The following PJA2 variants were observed in gnomAD, a reference collection of about 807,000 sequenced individuals.
PJA2 encodes E3 ubiquitin-protein ligase Praja-2.
Under a neutral mutation model 69.3 loss-of-function variants are expected in PJA2, and 25 were observed. The ratio of observed to expected loss-of-function variants is 0.36; its 90% confidence interval spans 0.26 to 0.50. The LOEUF (loss-of-function observed/expected upper bound fraction) is 0.50, where lower values mean the gene tolerates loss of function less well. Among genes scored for constraint, PJA2 ranks in the 20% least tolerant of loss-of-function variants. The probability of loss-of-function intolerance (pLI) is 0.96; values close to 1 mark genes in which losing one functional copy is unlikely to be tolerated. For missense variants in PJA2, 809 were observed against 830.2 expected, an observed-to-expected ratio of 0.97 and a Z score of 0.31; for synonymous variants, 308 against 277.8, an observed-to-expected ratio of 1.11 and a Z score of -1.08.
At chr5:109,342,030 G>C (rs1274808599) in intron 9 of PJA2, among the ~76,000 whole-genome samples, 4 of 127,906 alleles carry the variant, frequency 3.1e-5, no homozygotes, top group African/African-American at 1.1e-4. Flanking sequence ...CGGGCCAGCC[G>C]CCCCGTCCGG....
intron 1 of PJA2, among the ~76,000 whole-genome samples, chr5:109,391,591 C>T (rs1361372660): frequency 6.6e-6 from 1 of 151,342 alleles, no homozygotes; most frequent in African/African-American, 2.4e-5. Flanking sequence ...AATACATATA[C>T]TCAAACACCT....
chr5:109,398,582 G>T (rs115527192), intron 1 of PJA2, among the ~76,000 whole-genome samples: 4,521 of 147,564 alleles, frequency 0.031, 90 homozygotes, highest in Middle Eastern at 0.048. Context: ...AACTGAACAA[G>T]GAGAACCCTT....
chr5:109,363,398 T>C (rs1762531771), intron 5 of PJA2, among the ~76,000 whole-genome samples: 2 of 152,200 alleles, frequency 1.3e-5, no homozygotes, highest in South Asian at 4.1e-4. Flanking sequence ...AACCTGGCCT[T>C]CAAATCCCTA....
rs558373459 is a variant in PJA2 at position 109,381,418 on chromosome 5, T to A, written c.232+85A>T. ...TGTGCTGCATTTACACTCACAGACA[T>A]GCATAATACCCACCCAAAAATTTAA... is the stretch of plus-strand genomic sequence containing the variant. On this transcript the variant is annotated intron_variant, in intron 3 of 9. Coordinates refer to ENST00000361189, the MANE Select transcript of PJA2 (RefSeq NM_014819.5). 6.2e-4 allele frequency: 627 copies of A among 1,011,154 alleles called. 1 individual carries two copies. The highest frequency in any genetic ancestry group is 1.4e-3 in the Admixed American group (62 of 44,710). 62.6% of individuals were successfully genotyped at this position (1,011,154 alleles called of 1,614,324 possible).
chr5:109,350,443 A>C (rs1276671241), intron 7 of PJA2, among the ~76,000 whole-genome samples: 1 of 152,226 alleles, frequency 6.6e-6, no homozygotes, highest in African/African-American at 2.4e-5. Context: ...TTTTGTTCTA[A>C]AGAATAAAAT....
At chr5:109,384,703 C>T (rs989713908) in intron 1 of PJA2, among the ~76,000 whole-genome samples, 4 of 152,034 alleles carry the variant, frequency 2.6e-5, no homozygotes, top group Non-Finnish European at 5.9e-5. Context: ...AAGTTATGAT[C>T]CTTTAAAGTA....
chr5:109,345,253 G>A (rs186767267), intron 7 of PJA2, among the ~76,000 whole-genome samples: 1 of 151,670 alleles, frequency 6.6e-6, no homozygotes, highest in Non-Finnish European at 1.5e-5. Context: ...CTACTTGGGA[G>A]GCTGAGGCAG....
intron 4 of PJA2, among the ~76,000 whole-genome samples, chr5:109,374,617 A>T (rs1746802903): frequency 6.6e-6 from 1 of 152,248 alleles, no homozygotes; most frequent in Non-Finnish European, 1.5e-5. Flanking sequence ...AATATATCAT[A>T]TTGAAGTCAA....
chr5:109,380,574 G>A (rs563420038), intron 3 of PJA2, among the ~76,000 whole-genome samples: 74 of 151,156 alleles, frequency 4.9e-4, no homozygotes, highest in Non-Finnish European at 8.6e-4. Context: ...TTGGGAGGCT[G>A]AGTTGGACGG....
intron 2 of PJA2, among the ~76,000 whole-genome samples, chr5:109,382,094 T>G (rs563506783): frequency 5.5e-4 from 83 of 152,256 alleles, no homozygotes; most frequent in Non-Finnish European, 8.7e-4. Flanking sequence ...CAATACATAT[T>G]TGATGAATCA....
chr5:109,402,060 G>C (rs1561366960), intron 1 of PJA2, among the ~76,000 whole-genome samples: 1 of 152,074 alleles, frequency 6.6e-6, no homozygotes, highest in African/African-American at 2.4e-5. Context: ...TATTATTAAA[G>C]ATGTAAAATA....
At chr5:109,408,196 T>C (rs1384582418) in intron 1 of PJA2, among the ~76,000 whole-genome samples, 1 of 152,224 alleles carries the variant, frequency 6.6e-6, no homozygotes, top group Non-Finnish European at 1.5e-5. Flanking sequence ...CAAGCAGGAC[T>C]AGAAGTGGAA....
At chr5:109,342,761 G>C (rs1331284082) in intron 9 of PJA2, among the ~76,000 whole-genome samples, 1 of 127,338 alleles carries the variant, frequency 7.9e-6, no homozygotes, top group Non-Finnish European at 1.7e-5. Context: ...GGGCGCCTCT[G>C]CCCGGCCGCC....
At chr5:109,396,976 T>G (rs1747430420) in intron 1 of PJA2, among the ~76,000 whole-genome samples, 1 of 152,234 alleles carries the variant, frequency 6.6e-6, no homozygotes, top group South Asian at 2.1e-4. Flanking sequence ...CCAAAATTCT[T>G]AATCCACATT....
At chr5:109,370,570 C>A (rs555237316) in intron 4 of PJA2, among the ~76,000 whole-genome samples, 44 of 152,164 alleles carry the variant, frequency 2.9e-4, no homozygotes, top group Non-Finnish European at 5.9e-5. Context: ...GGTGTTCTTT[C>A]AGCTGGGTCT....
At chr5:109,348,547 T>C (rs74783581) in intron 7 of PJA2, among the ~76,000 whole-genome samples, 4,642 of 152,258 alleles carry the variant, frequency 0.03, 95 homozygotes, top group Middle Eastern at 0.048. Flanking sequence ...CTGTTACCAG[T>C]AGAAACAGTG....
intron 4 of PJA2, among the ~76,000 whole-genome samples, chr5:109,374,144 C>A (rs139044420): frequency 1.2e-3 from 190 of 152,262 alleles, no homozygotes; most frequent in Middle Eastern, 3.4e-3. Flanking sequence ...TGCTTAATTT[C>A]ATTAAGATGG....
At chr5:109,407,355 A>C (rs530615864) in intron 1 of PJA2, among the ~76,000 whole-genome samples, 4 of 152,178 alleles carry the variant, frequency 2.6e-5, no homozygotes, top group Non-Finnish European at 4.4e-5. Context: ...AAAATGTCAA[A>C]AACAACAACA....
chr5:109,358,941 T>G (rs1383469708), intron 6 of PJA2, among the ~76,000 whole-genome samples: 1 of 152,212 alleles, frequency 6.6e-6, no homozygotes, highest in Non-Finnish European at 1.5e-5. Flanking sequence ...AGTCTCAAAG[T>G]ATCTTCACGC....
Sources: gnomAD v4.1 joint callset for allele counts (sites outside exome capture counted in the v4.1 genomes callset) on GRCh38, gnomAD v4.1.1 for gene constraint, MANE v1.5 for transcripts, NCBI Gene and HGNC (gene_info 2026-07-23, HGNC 2026-07-21) for gene names.